The following CCDC152 variants were observed in gnomAD, a reference collection of about 807,000 sequenced individuals.
CCDC152 encodes the protein coiled-coil domain containing 152.
In CCDC152, 37 loss-of-function variants were observed where a neutral mutation model predicts 38.1. The observed-to-expected ratio is 0.97, with a 90% CI of 0.75 to 1.28. CCDC152 has a LOEUF of 1.28. CCDC152 is among the 50% of genes most tolerant of loss of function. The probability of loss-of-function intolerance (pLI) is 0.00; values close to 1 mark genes in which losing one functional copy is unlikely to be tolerated. For missense variants in CCDC152, 259 were observed against 292.1 expected (o/e 0.89, Z 0.83); for synonymous variants, 83 against 87.1 (o/e 0.95, Z 0.26).
rs1759813962 is a variant in CCDC152, at chr5:42,779,514, C to T, written c.319C>T (p.His107Tyr). Reference protein sequence around the residue: ...ADLIKEKLKSHEQEYKNNIAK... With the variant: ...ADLIKEKLKSYEQEYKNNIAK... ...TCTTATAAAAGAGAAGTTAAAGTCTCATGAACAGGTGAGTTTATGTATCAT... is the reference window on the plus strand; with the variant it reads ...TCTTATAAAAGAGAAGTTAAAGTCTTATGAACAGGTGAGTTTATGTATCAT... Residue 107 changes from histidine (H) to tyrosine (Y), a missense_variant, in exon 5 of 9, where the codon CAT (histidine) becomes TAT (tyrosine). By Grantham distance (83) the His-to-Tyr change is moderately conservative. Coordinates refer to ENST00000361970, the MANE Select transcript of CCDC152 (RefSeq NM_001134848.2). The T allele has an allele frequency of 6.7e-7, 1 of 1,503,494 alleles. No individual in the cohort carries two copies. Among genetic ancestry groups the T allele is most frequent in the African/African-American group, 1.4e-5 (1 of 71,958 alleles). 93.1% of individuals were successfully genotyped at this position (1,503,494 alleles called of 1,614,324 possible).
chr5:42,773,650 G>T (rs1202495823), intron 4 of CCDC152, among the ~76,000 whole-genome samples: 1 of 151,984 alleles, frequency 6.6e-6, no homozygotes, highest in Non-Finnish European at 1.5e-5. Context: ...ATATATTGAG[G>T]ACAATAATAA....
rs757217484 is a variant in CCDC152, at chr5:42,800,849, T to C, written c.*1068T>C. On this transcript the variant is annotated 3_prime_UTR_variant, in exon 9 of 9. Transcript: ENST00000361970. ...GCAAACGTCACTGACAAGATTCAGT[T>C]ATGTTCTCCTCTGCCCGAAGTCCCT... The C allele has an allele frequency of 2.1e-5, 34 of 1,614,096 alleles. No individual in the cohort carries two copies. The highest frequency in any genetic ancestry group is 2.8e-5 in the Non-Finnish European group (33 of 1,180,040).
Position 42,762,488 on chromosome 5 carries a change from T to A in CCDC152, c.133T>A (p.Leu45Met). The stretch of plus-strand genomic sequence containing the variant: ...AAAGAACAATATACTGGATATTCAG[T>A]TGGAAAAAAGTAATTGCCTATTAAA... ...NGKNNILDIQ[L>M]EKSNCLLKVM... Residue 45 changes from leucine to methionine, a missense_variant, in exon 3 of 9, where the codon TTG becomes ATG. Leu to Met is a conservative substitution (Grantham distance 15). Transcript: ENST00000361970. 6.5e-7 allele frequency: 1 copy of A among 1,541,928 alleles called. No individual in the cohort carries two copies.
At chr5:42,762,661 T>G (rs1452738465) in intron 3 of CCDC152, 113 bp downstream of exon 3, 1 of 669,326 alleles carries the variant, frequency 1.5e-6, no homozygotes, top group Non-Finnish European at 2.7e-6. Flanking sequence ...ACATAGAATT[T>G]TCCAGATTAT....
rs28918073 is a variant in CCDC152, at chr5:42,798,463, G to A, written c.559-912G>A. ...GATACCCTTTGCTGCTGGTGCTGCT[G>A]CTGCTGCTGCCATCTGACCAAGTGT... On this transcript the variant is annotated intron_variant, in intron 7 of 8. Transcript: ENST00000361970. 2.7e-3 allele frequency among the ~76,000 whole-genome samples: 413 copies of A among 152,314 alleles called. 5 individuals carry two copies. Among genetic ancestry groups the A allele is most frequent in the African/African-American group, 9.4e-3 (390 of 41,566 alleles).
intron 4 of CCDC152, among the ~76,000 whole-genome samples, chr5:42,774,351 A>G (rs765488683): frequency 2.6e-5 from 4 of 152,226 alleles, no homozygotes; most frequent in African/African-American, 4.8e-5. Flanking sequence ...CAGTTAAGAT[A>G]TGAGAAAAAT....
In CCDC152 at chr5:42,802,024, A is replaced by C. The variant is rs1380070399; in HGVS notation, c.*2243A>C. 2 of 152,234 alleles carry C rather than the reference A, an allele frequency of 1.3e-5. No homozygotes were observed. Among genetic ancestry groups the C allele is most frequent in the Non-Finnish European group, 2.9e-5 (2 of 68,034 alleles). The allele number at this position is 152,234 out of a possible 1,614,324, so 9.4% of individuals were successfully genotyped here. A position where few individuals can be genotyped will look rare whatever the true frequency, so the allele number is the denominator to read the frequency against. On this transcript the variant is annotated 3_prime_UTR_variant, in exon 9 of 9. Transcript: ENST00000361970. ...CTATATGATACTGTAATCTAATATT[A>C]TCTCTGATAATTCAAAAATGCTAAT...
intron 1 of CCDC152, among the ~76,000 whole-genome samples, chr5:42,758,440 TG>T (rs1407162282): frequency 6.6e-6 from 1 of 152,202 alleles, no homozygotes; most frequent in Non-Finnish European, 1.5e-5. Flanking sequence ...CTTTCTTCTT[TG>T]CTATAGAAAA....
chr5:42,767,234 A>G (rs974143605), intron 3 of CCDC152, among the ~76,000 whole-genome samples: 1 of 152,122 alleles, frequency 6.6e-6, no homozygotes, highest in African/African-American at 2.4e-5. Context: ...AACAACAAAG[A>G]ATGATATATG....
chr5:42,771,496 G>T lies in CCDC152; in HGVS notation c.262+1831G>T, dbSNP rs1198286393. On this transcript the variant is annotated intron_variant, in intron 4 of 8. Transcript: ENST00000361970. ...ACAAAACTAGGAGTTTGTTTTTTTT[G>T]AAAAAATAAACTAAATTGACAAATG... Among the ~76,000 whole-genome samples, 3 of 148,646 alleles carry T rather than the reference G, an allele frequency of 2.0e-5. No homozygotes were observed. The East Asian group carries it at 5.9e-4, about 29-fold the overall frequency.
At chr5:42,786,472 T>C (rs1759922859) in intron 6 of CCDC152, among the ~76,000 whole-genome samples, 1 of 152,132 alleles carries the variant, frequency 6.6e-6, no homozygotes, top group African/African-American at 2.4e-5. Flanking sequence ...TTAGTTGTAA[T>C]GTCAACTTTA....
At chr5:42,790,620 TA>T (rs1480199081) in intron 6 of CCDC152, among the ~76,000 whole-genome samples, 4 of 152,134 alleles carry the variant, frequency 2.6e-5, no homozygotes, top group Admixed American at 6.5e-5. Flanking sequence ...AGAGACTGGG[TA>T]AGTTGTCAGT....
rs1048325152 is a variant in CCDC152 at position 42,802,255 on chromosome 5, A to G, written c.*2474A>G. On this transcript the variant is annotated 3_prime_UTR_variant, in exon 9 of 9. Transcript: ENST00000361970. ...CTGGAAGTCTTTACTGTTTTGTGGTACCTACTAATCAGAGACTCAAAGCCT... is the reference window on the plus strand; with the variant it reads ...CTGGAAGTCTTTACTGTTTTGTGGTGCCTACTAATCAGAGACTCAAAGCCT... The G allele has an allele frequency of 6.6e-6, 1 of 152,168 alleles. No individual in the cohort carries two copies. Among genetic ancestry groups the G allele is most frequent in the Non-Finnish European group, 1.5e-5 (1 of 68,028 alleles). The allele number at this position is 152,168 out of a possible 1,614,324, so 9.4% of individuals were successfully genotyped here. A position where few individuals can be genotyped will look rare whatever the true frequency, so the allele number is the denominator to read the frequency against.
At position 42,792,361 on chromosome 5, in the gene CCDC152, T is replaced by C. The variant is rs924786770; in HGVS notation, c.431-4468T>C. Among the ~76,000 whole-genome samples the C allele has an allele frequency of 3.3e-5, 5 of 152,232 alleles. 1 individual carries two copies. The highest frequency in any genetic ancestry group is 2.4e-5 in the African/African-American group (1 of 41,464). On this transcript the variant is annotated intron_variant, in intron 6 of 8. Transcript: ENST00000361970. ...TCTCACTCTCACATTTATTCTTTAATTCTGTAACTTTTTGCTAACAGCCCT... is the reference window on the plus strand; with the variant it reads ...TCTCACTCTCACATTTATTCTTTAACTCTGTAACTTTTTGCTAACAGCCCT...
intron 5 of CCDC152, among the ~76,000 whole-genome samples, chr5:42,781,569 A>ACG (rs1759846609): frequency 6.6e-6 from 1 of 152,022 alleles, no homozygotes; most frequent in African/African-American, 2.4e-5. Flanking sequence ...ACACACACAC[A>ACG]CACACACACA....
At chr5:42,797,905 T>C (rs1760096261) in intron 7 of CCDC152, among the ~76,000 whole-genome samples, 2 of 152,066 alleles carry the variant, frequency 1.3e-5, no homozygotes, top group African/African-American at 2.4e-5. Flanking sequence ...CCCAGCACTT[T>C]GGCAGGCCGA....
In CCDC152 at chr5:42,802,061, A is replaced by AAATGTGTTAG; in HGVS notation, c.*2281_*2290dup. 1 of 152,228 alleles carries AAATGTGTTAG rather than the reference A, an allele frequency of 6.6e-6. No homozygotes were observed. The highest frequency in any genetic ancestry group is 1.5e-5 in the Non-Finnish European group (1 of 68,032). 9.4% of individuals were successfully genotyped at this position (152,228 alleles called of 1,614,324 possible). On this transcript the variant is annotated 3_prime_UTR_variant, in exon 9 of 9. Transcript: ENST00000361970. ...TCAAAAATGCTAATAAACTCTGCTC[A>AAATGTGTTAG]AATGTGTTAGTTTTTCATACTTCAT...
chr5:42,758,863 A>G (rs1435382823), intron 1 of CCDC152, among the ~76,000 whole-genome samples: 1 of 152,212 alleles, frequency 6.6e-6, no homozygotes, highest in African/African-American at 2.4e-5. Flanking sequence ...CAGATTTAAT[A>G]TTGCATTAGG....
At chr5:42,770,922 G>A (rs1759689710) in intron 4 of CCDC152, among the ~76,000 whole-genome samples, 1 of 152,010 alleles carries the variant, frequency 6.6e-6, no homozygotes, top group Non-Finnish European at 1.5e-5. Flanking sequence ...TTCCTTTCCA[G>A]ATATTTTGTA....
Sources: allele counts gnomAD v4.1 joint callset (sites outside exome capture counted in the v4.1 genomes callset), GRCh38; gene constraint gnomAD v4.1.1; transcripts MANE v1.5; gene names NCBI Gene and HGNC (gene_info 2026-07-23, HGNC 2026-07-21).